Variants in TMEM178B observed in about 807,000 individuals in gnomAD.
TMEM178B encodes transmembrane protein 178B.
Under a neutral mutation model 31.0 loss-of-function variants are expected in TMEM178B, and 5 were observed. The observed-to-expected ratio is 0.16, with a 90% CI of 0.08 to 0.34. TMEM178B has a LOEUF of 0.34. Among genes scored for constraint, TMEM178B ranks in the 10% least tolerant of loss-of-function variants. The pLI, the probability that TMEM178B is intolerant of heterozygous loss-of-function variation, is 1.00. For missense variants in TMEM178B, 275 were observed against 400.3 expected (o/e 0.69, Z 2.67); for synonymous variants, 164 against 164.0 (o/e 1.00, Z 0.00).
intron 1 of TMEM178B, among the ~76,000 whole-genome samples, chr7:141,104,511 C>T (rs952874113): frequency 6.6e-6 from 1 of 152,244 alleles, no homozygotes; most frequent in African/African-American, 2.4e-5. Flanking sequence ...TCTGTCTCTG[C>T]CCTCTCAGCC....
intron 2 of TMEM178B, among the ~76,000 whole-genome samples, chr7:141,432,447 G>A (rs945850021): frequency 1.3e-5 from 2 of 152,136 alleles, no homozygotes; most frequent in Non-Finnish European, 2.9e-5. Context: ...GAGCCACCAC[G>A]CCCAGCCCTG....
At chr7:141,189,719 T>C (rs1796667372) in intron 1 of TMEM178B, among the ~76,000 whole-genome samples, 2 of 152,184 alleles carry the variant, frequency 1.3e-5, no homozygotes, top group South Asian at 4.1e-4. Flanking sequence ...GCATCCTGAC[T>C]GTGTCGGCCA....
At chr7:141,089,924 G>T (rs958752693) in intron 1 of TMEM178B, among the ~76,000 whole-genome samples, 7 of 151,766 alleles carry the variant, frequency 4.6e-5, no homozygotes, top group East Asian at 3.9e-4. Flanking sequence ...CGAGTTAATG[G>T]GTGCAGCACA....
intron 2 of TMEM178B, among the ~76,000 whole-genome samples, chr7:141,376,213 GA>G (rs1270246146): frequency 1.3e-5 from 2 of 152,178 alleles, no homozygotes. Flanking sequence ...CTTTACAGAA[GA>G]AAGCCAGCTA....
chr7:141,248,647 G>GA (rs1797779355), intron 2 of TMEM178B, among the ~76,000 whole-genome samples: 1 of 152,102 alleles, frequency 6.6e-6, no homozygotes, highest in Non-Finnish European at 1.5e-5. Flanking sequence ...TCGAAATATA[G>GA]AAAAGGTACA....
intron 2 of TMEM178B, among the ~76,000 whole-genome samples, chr7:141,226,669 A>G (rs1018973931): frequency 2.0e-5 from 3 of 152,174 alleles, no homozygotes; most frequent in South Asian, 4.2e-4. Flanking sequence ...CCTGGTCAAT[A>G]TGCTAAAACC....
At chr7:141,404,516 G>T (rs1026595352) in intron 2 of TMEM178B, among the ~76,000 whole-genome samples, 2 of 152,048 alleles carry the variant, frequency 1.3e-5, no homozygotes, top group African/African-American at 4.8e-5. Flanking sequence ...TCTCTGCCTT[G>T]CTCTTCACGT....
intron 2 of TMEM178B, among the ~76,000 whole-genome samples, chr7:141,407,460 T>C (rs1220148189): frequency 6.6e-6 from 1 of 152,250 alleles, no homozygotes; most frequent in East Asian, 1.9e-4. Flanking sequence ...AATAGCACCA[T>C]GAATAATAGT....
chr7:141,437,224 C>G (rs1006945939), intron 2 of TMEM178B, among the ~76,000 whole-genome samples: 1 of 152,174 alleles, frequency 6.6e-6, no homozygotes, highest in African/African-American at 2.4e-5. Flanking sequence ...GGGTTCCAGT[C>G]TCTGTTCTAC....
intron 1 of TMEM178B, among the ~76,000 whole-genome samples, chr7:141,177,539 TG>T (rs2129183502): frequency 6.6e-6 from 1 of 152,282 alleles, no homozygotes; most frequent in East Asian, 1.9e-4. Context: ...ATATTGACAG[TG>T]GGGTGTTAAA....
rs940872997 is a variant in TMEM178B at position 141,163,166 on chromosome 7, C to A, written c.383-49425C>A. Among the ~76,000 whole-genome samples the A allele has an allele frequency of 1.1e-4, 16 of 152,178 alleles. 1 individual carries two copies. The highest frequency in any genetic ancestry group is 3.4e-4 in the African/African-American group (14 of 41,442). On this transcript the variant is annotated intron_variant, in intron 1 of 3. Coordinates refer to ENST00000565468, the MANE Select transcript of TMEM178B (RefSeq NM_001195278.2). ...GCATCTCTAGGTTGATGAGAGCCTG[C>A]CTGAGGTGCCTTAGCTAGGGCGGTT...
At chr7:141,492,612 G>A in the TMEM178B span, among the ~76,000 whole-genome samples, 1 of 152,176 alleles carries the variant, frequency 6.6e-6, no homozygotes, top group South Asian at 2.1e-4. Context: ...TCCGTAACAG[G>A]ACCTCTGAAA....
intron 1 of TMEM178B, among the ~76,000 whole-genome samples, chr7:141,083,853 G>A (rs965376636): frequency 2.0e-5 from 3 of 150,588 alleles, no homozygotes; most frequent in Admixed American, 6.7e-5. Flanking sequence ...GGAATACTTC[G>A]TAGCCAAGGC....
chr7:141,180,328 C>T lies in TMEM178B; in HGVS notation c.383-32263C>T, dbSNP rs993859680. 2.0e-4 allele frequency among the ~76,000 whole-genome samples: 30 copies of T among 151,906 alleles called. 1 individual carries two copies. In the East Asian group the frequency reaches 5.1e-3, roughly 26 times the overall value. On this transcript the variant is annotated intron_variant, in intron 1 of 3. Coordinates refer to ENST00000565468, the MANE Select transcript of TMEM178B (RefSeq NM_001195278.2). Reference sequence around the variant, plus strand: ...GCAAAAAATTAGCCAGGCTTGGAGGCGGGCACTGTAAATCCTAGCTACTTG... The same window carrying T: ...GCAAAAAATTAGCCAGGCTTGGAGGTGGGCACTGTAAATCCTAGCTACTTG...
At chr7:141,323,803 T>A (rs890880576) in intron 2 of TMEM178B, among the ~76,000 whole-genome samples, 2 of 152,040 alleles carry the variant, frequency 1.3e-5, no homozygotes, top group African/African-American at 4.8e-5. Context: ...AGATAAAGTA[T>A]GTTAGGTAGT....
chr7:141,449,012 C>T (rs1288360642), intron 3 of TMEM178B, among the ~76,000 whole-genome samples: 1 of 152,114 alleles, frequency 6.6e-6, no homozygotes, highest in Non-Finnish European at 1.5e-5. Context: ...CTGATTCCTC[C>T]AATAGCCCTT....
chr7:141,202,484 T>A (rs778350244), intron 1 of TMEM178B, among the ~76,000 whole-genome samples: 54 of 152,136 alleles, frequency 3.5e-4, no homozygotes, highest in Non-Finnish European at 4.4e-4. Context: ...AAATTAAATA[T>A]TTAGAACTCA....
At chr7:141,380,220 A>G (rs751484465) in intron 2 of TMEM178B, among the ~76,000 whole-genome samples, 2 of 152,212 alleles carry the variant, frequency 1.3e-5, no homozygotes, top group Non-Finnish European at 2.9e-5. Flanking sequence ...TTGTAGTTCT[A>G]TAGCTCTTAG....
intron 2 of TMEM178B, among the ~76,000 whole-genome samples, chr7:141,307,455 C>T (rs1180249998): frequency 6.6e-6 from 1 of 152,212 alleles, no homozygotes; most frequent in East Asian, 1.9e-4. Flanking sequence ...TGCTGGGTCC[C>T]CTACATGCTT....
Sources: allele counts gnomAD v4.1 joint callset (sites outside exome capture counted in the v4.1 genomes callset), GRCh38; gene constraint gnomAD v4.1.1; transcripts MANE v1.5; gene names NCBI Gene and HGNC (gene_info 2026-07-23, HGNC 2026-07-21).